NUBPL: variants seen among roughly 807,000 people sequenced by gnomAD.
The protein encoded by NUBPL is iron-sulfur cluster transfer protein NUBPL.
NUBPL carries 31 observed loss-of-function variants against 45.7 expected under a neutral mutation model. The ratio of observed to expected loss-of-function variants is 0.68; its 90% confidence interval spans 0.51 to 0.92. NUBPL has a LOEUF of 0.92. NUBPL is among the 40% of genes least tolerant of loss of function. The probability of loss-of-function intolerance (pLI) is 0.00; values close to 1 mark genes in which losing one functional copy is unlikely to be tolerated. For synonymous variants in NUBPL, 144 were observed against 140.9 expected (o/e 1.02, Z -0.15); for missense variants, 401 against 398.7 (o/e 1.01, Z -0.05).
At chr14:31,747,366 T>C (rs2038423834) in intron 6 of NUBPL, among the ~76,000 whole-genome samples, 1 of 152,094 alleles carries the variant, frequency 6.6e-6, no homozygotes, top group Non-Finnish European at 1.5e-5. Flanking sequence ...CTTGATCTCC[T>C]GACCTTGTGG....
intron 6 of NUBPL, among the ~76,000 whole-genome samples, chr14:31,684,606 A>C (rs2036910855): frequency 6.6e-6 from 1 of 152,078 alleles, no homozygotes; most frequent in Non-Finnish European, 1.5e-5. Context: ...CCAAGTTGAG[A>C]GATTTCTTTC....
At chr14:31,805,914 T>TAAAAA (rs144717233) in intron 7 of NUBPL, among the ~76,000 whole-genome samples, 7,307 of 152,046 alleles carry the variant, frequency 0.048, 301 homozygotes, top group African/African-American at 0.12. Context: ...AAATAAAAAT[T>TAAAAA]AAAAAATTTT....
rs558413093 is a variant in NUBPL, at chr14:31,707,028, A to G, written c.513+33454A>G. 7.2e-5 allele frequency among the ~76,000 whole-genome samples: 11 copies of G among 152,344 alleles called. No homozygotes were observed. The South Asian group carries it at 1.4e-3, about 20-fold the overall frequency. On this transcript the variant is annotated intron_variant, in intron 6 of 10. Transcript: ENST00000281081. ...AGGCAATTTTCTTAACTCTGCTTCT[A>G]TAAGAGTTTCATTTTCTCTTAGTGA...
At chr14:31,723,900 T>G (rs1171579101) in intron 6 of NUBPL, among the ~76,000 whole-genome samples, 1 of 152,218 alleles carries the variant, frequency 6.6e-6, no homozygotes, top group Non-Finnish European at 1.5e-5. Flanking sequence ...CAGGGATAGT[T>G]TGACTACCTC....
Position 31,583,297 on chromosome 14 carries a change from C to A in NUBPL, c.292-15992C>A, listed in dbSNP as rs2033911865. On this transcript the variant is annotated intron_variant, in intron 3 of 10. Coordinates refer to ENST00000281081, the MANE Select transcript of NUBPL (RefSeq NM_025152.3). ...TGGTGACTGCTGGTTTTAGCTCTTG[C>A]AGAGTTGGGTAGGTTAGCCCATTAC... 2.0e-5 allele frequency among the ~76,000 whole-genome samples: 3 copies of A among 152,120 alleles called. No individual in the cohort carries two copies. The South Asian group carries it at 6.2e-4, about 32-fold the overall frequency.
At position 31,640,343 on chromosome 14, in the gene NUBPL, C is replaced by T. The variant is rs191658657; in HGVS notation, c.383-33012C>T. 7.4e-4 allele frequency among the ~76,000 whole-genome samples: 113 copies of T among 152,236 alleles called. No homozygotes were observed. The East Asian group carries it at 0.015, about 21-fold the overall frequency. On this transcript the variant is annotated intron_variant, in intron 4 of 10. Coordinates refer to ENST00000281081, the MANE Select transcript of NUBPL (RefSeq NM_025152.3). ...CTTTGGGGCCAGGCTTGGTGGCTCA[C>T]GCGCCCAGCACTTCGGGAGGCCAAG...
At chr14:31,666,263 A>ATATATATATAT in intron 4 of NUBPL, among the ~76,000 whole-genome samples, 4 of 111,856 alleles carry the variant, frequency 3.6e-5, no homozygotes, top group Admixed American at 1.0e-4. Context: ...ATATATATAT[A>ATATATATATAT]ATTTTATTTT....
At chr14:31,596,240 C>T (rs2034280225) in intron 3 of NUBPL, among the ~76,000 whole-genome samples, 2 of 152,062 alleles carry the variant, frequency 1.3e-5, no homozygotes, top group South Asian at 4.1e-4. Context: ...AAAATCTAAG[C>T]AAGACATCCT....
chr14:31,562,038 A>G, intron 1 of NUBPL, 30 bp from the exon 2 acceptor site: 6 of 1,549,978 alleles, frequency 3.9e-6, no homozygotes, highest in Non-Finnish European at 5.2e-6. Context: ...CTTATTTAAA[A>G]CGGCTTTTTA....
intron 6 of NUBPL, among the ~76,000 whole-genome samples, chr14:31,693,770 C>CGGTA (rs1485322362): frequency 7.4e-5 from 9 of 122,276 alleles, no homozygotes; most frequent in Non-Finnish European, 6.4e-5. Context: ...TTGGACAGGG[C>CGGTA]GGTAGCCTTT....
chr14:31,647,824 C>T (rs1013936799), intron 4 of NUBPL, among the ~76,000 whole-genome samples: 9 of 152,176 alleles, frequency 5.9e-5, no homozygotes, highest in African/African-American at 1.7e-4. Flanking sequence ...TGTTTTCAGC[C>T]GTTTTGGCTA....
At position 31,632,283 on chromosome 14, in the gene NUBPL, A is replaced by G. The variant is rs530357583; in HGVS notation, c.382+32904A>G. Among the ~76,000 whole-genome samples, 3 of 152,302 alleles carry G rather than the reference A, an allele frequency of 2.0e-5. No homozygotes were observed. The South Asian group carries it at 6.2e-4, about 32-fold the overall frequency. ...GGGAAGGAGTATCCAAATCTGAGAG[A>G]GAGTCTTGTAGAGATGTCTGCCTTC... On this transcript the variant is annotated intron_variant, in intron 4 of 10. Coordinates refer to ENST00000281081, the MANE Select transcript of NUBPL (RefSeq NM_025152.3).
At chr14:31,587,074 G>A (rs2034014241) in intron 3 of NUBPL, among the ~76,000 whole-genome samples, 1 of 152,126 alleles carries the variant, frequency 6.6e-6, no homozygotes, top group Non-Finnish European at 1.5e-5. Flanking sequence ...CTTAGGACTG[G>A]TGCTAACTTC....
chr14:31,802,366 C>A (rs1441669695), intron 7 of NUBPL, among the ~76,000 whole-genome samples: 1 of 152,038 alleles, frequency 6.6e-6, no homozygotes, highest in Non-Finnish European at 1.5e-5. Context: ...GTCTCTGCCT[C>A]CTGGGTTCAA....
chr14:31,662,100 C>T (rs2036283959), intron 4 of NUBPL: 1 of 151,908 alleles, frequency 6.6e-6, no homozygotes. Flanking sequence ...TGCTAATCTT[C>T]TGTATCATTC....
chr14:31,738,173 A>G (rs373588578), intron 6 of NUBPL, among the ~76,000 whole-genome samples: 20 of 152,356 alleles, frequency 1.3e-4, no homozygotes, highest in African/African-American at 4.3e-4. Flanking sequence ...TTTTGCTTAC[A>G]TTACTTCAAC....
intron 8 of NUBPL, among the ~76,000 whole-genome samples, chr14:31,839,168 C>T (rs1333875092): frequency 1.3e-5 from 2 of 152,116 alleles, no homozygotes; most frequent in Non-Finnish European, 2.9e-5. Context: ...CTCATGACCA[C>T]CTTTTTTAAA....
intron 6 of NUBPL, among the ~76,000 whole-genome samples, chr14:31,676,088 T>C (rs952073200): frequency 1.3e-5 from 2 of 151,934 alleles, no homozygotes; most frequent in Non-Finnish European, 2.9e-5. Context: ...AATAGTGCCA[T>C]CTCAGCTCAC....
chr14:31,716,020 T>A (rs958893254), intron 6 of NUBPL, among the ~76,000 whole-genome samples: 5 of 152,004 alleles, frequency 3.3e-5, no homozygotes, highest in Non-Finnish European at 5.9e-5. Flanking sequence ...ACTTAAAAAA[T>A]TTTTTTTGGT....
Sources: gnomAD v4.1 joint callset for allele counts (sites outside exome capture counted in the v4.1 genomes callset) on GRCh38, gnomAD v4.1.1 for gene constraint, MANE v1.5 for transcripts, NCBI Gene and HGNC (gene_info 2026-07-23, HGNC 2026-07-21) for gene names.